AFAP1L2: variants seen among roughly 807,000 people sequenced by gnomAD.
AFAP1L2 encodes the protein actin filament-associated protein 1-like 2.
Under a neutral mutation model 99.3 loss-of-function variants are expected in AFAP1L2, and 46 were observed. The observed-to-expected ratio is 0.46, with a 90% confidence interval of 0.37 to 0.59. The LOEUF is 0.59. Ranked by LOEUF, AFAP1L2 falls within the 20% of genes least tolerant of loss-of-function variation. The probability of loss-of-function intolerance (pLI) is 0.00; values close to 1 mark genes in which losing one functional copy is unlikely to be tolerated. For missense variants in AFAP1L2, 959 were observed against 1,034.9 expected (o/e 0.93, Z 1.01); for synonymous variants, 397 against 419.1 (o/e 0.95, Z 0.64).
At chr10:114,286,060 G>A in the AFAP1L2 span, 1 of 1,614,154 alleles carries the variant, frequency 6.2e-7, no homozygotes, top group Non-Finnish European at 8.5e-7. Context: ...TGCGGGCCGT[G>A]CTGAGCGAGG....
chr10:114,311,179 G>T (rs894525629), intron 7 of AFAP1L2, among the ~76,000 whole-genome samples: 1 of 152,176 alleles, frequency 6.6e-6, no homozygotes, highest in Non-Finnish European at 1.5e-5. Flanking sequence ...GGTGGGTTTG[G>T]GCAGTCAGAG....
At chr10:114,308,334 G>T (rs2042728329) in intron 9 of AFAP1L2, 99 bp downstream of exon 9, 1 of 995,614 alleles carries the variant, frequency 1.0e-6, no homozygotes, top group Non-Finnish European at 1.5e-6. Flanking sequence ...TTAATAGGGG[G>T]CCATGTTAGA....
chr10:114,294,504 A>G (rs969593031), downstream of AFAP1L2, among the ~76,000 whole-genome samples: 7 of 152,214 alleles, frequency 4.6e-5, no homozygotes, highest in African/African-American at 1.4e-4. Context: ...CTTAATTACT[A>G]CTTAGGCAAC....
intron 1 of AFAP1L2, among the ~76,000 whole-genome samples, chr10:114,397,770 G>A (rs949632918): frequency 6.6e-6 from 1 of 152,194 alleles, no homozygotes; most frequent in Non-Finnish European, 1.5e-5. Flanking sequence ...CAGCTGGCTA[G>A]CCTCTCTTGC....
At chr10:114,374,585 G>A (rs963660633) in intron 1 of AFAP1L2, among the ~76,000 whole-genome samples, 6 of 152,132 alleles carry the variant, frequency 3.9e-5, no homozygotes, top group Admixed American at 6.5e-5. Context: ...CGTTTGCTCC[G>A]GATTTGTGCT....
At chr10:114,321,227 C>T (rs1009265204) in intron 5 of AFAP1L2, among the ~76,000 whole-genome samples, 2 of 151,954 alleles carry the variant, frequency 1.3e-5, no homozygotes, top group Non-Finnish European at 2.9e-5. Flanking sequence ...TACACTGTAC[C>T]GAATATGTAG....
chr10:114,297,307 C>T lies in AFAP1L2; in HGVS notation c.2220G>A (p.Val740=). ...RVDLELSIME[V]KDNLKKAEAG... is the part of the protein sequence containing the mutation. The stretch of plus-strand genomic sequence containing the variant: ...CCTCAGCCTTCTTCAGGTTGTCCTT[C>T]ACCTCCATGATGCTGAGCTCCAGGT... The change falls in exon 17 of 19, where the codon GTG becomes GTA. Residue 740 remains valine, a synonymous_variant. Coordinates refer to ENST00000304129, the MANE Select transcript of AFAP1L2 (RefSeq NM_001001936.3). 2 of 1,614,060 alleles carry T rather than the reference C, an allele frequency of 1.2e-6. No homozygotes were observed. Among genetic ancestry groups the T allele is most frequent in the East Asian group, 4.5e-5 (2 of 44,874 alleles).
At chr10:114,334,172 C>T (rs138385615) in intron 2 of AFAP1L2, among the ~76,000 whole-genome samples, 2 of 152,344 alleles carry the variant, frequency 1.3e-5, no homozygotes, top group African/African-American at 2.4e-5. Context: ...TGCAGTGGCA[C>T]AATCCATGCC....
intron 1 of AFAP1L2, among the ~76,000 whole-genome samples, chr10:114,342,488 A>G (rs1240177829): frequency 6.6e-6 from 1 of 152,230 alleles, no homozygotes; most frequent in Admixed American, 6.5e-5. Flanking sequence ...TTGACGTGGC[A>G]AAGGGACTTC....
At chr10:114,291,595 C>T (rs558675017), downstream of AFAP1L2, 16 of 233,702 alleles carry the variant, frequency 6.8e-5, no homozygotes, top group South Asian at 1.6e-4. Context: ...TTAAATTTAG[C>T]GGCCTGACGT....
Position 114,296,013 on chromosome 10 carries a change from C to G in AFAP1L2, c.*29G>C. On this transcript the variant is annotated 3_prime_UTR_variant, in exon 19 of 19. Transcript: ENST00000304129. ...GGATTGTCACCAAGGTCCACATTGA[C>G]ATGAGAGTCTTTAGATGAAGCTTGT... 1 of 1,614,154 alleles carries G rather than the reference C, an allele frequency of 6.2e-7. No individual in the cohort carries two copies. The highest frequency in any genetic ancestry group is 1.3e-5 in the African/African-American group (1 of 75,062).
chr10:114,351,924 T>A (rs75437284), intron 1 of AFAP1L2, among the ~76,000 whole-genome samples: 1 of 152,190 alleles, frequency 6.6e-6, no homozygotes, highest in African/African-American at 2.4e-5. Flanking sequence ...ATACTGGCTG[T>A]GTGGCCTTGG....
intron 1 of AFAP1L2, among the ~76,000 whole-genome samples, chr10:114,375,930 G>A (rs1565030863): frequency 6.6e-6 from 1 of 152,022 alleles, no homozygotes; most frequent in African/African-American, 2.4e-5. Flanking sequence ...ACTGCATTCC[G>A]GCCTGGGAGA....
downstream of AFAP1L2, among the ~76,000 whole-genome samples, chr10:114,292,436 T>G (rs576268810): frequency 2.5e-4 from 38 of 152,158 alleles, no homozygotes; most frequent in Non-Finnish European, 3.8e-4. Context: ...AGCATTGATC[T>G]TACGCTGTCT....
intron 5 of AFAP1L2, among the ~76,000 whole-genome samples, chr10:114,317,813 C>T (rs567143296): frequency 2.4e-4 from 37 of 152,280 alleles, no homozygotes; most frequent in African/African-American, 6.7e-4. Context: ...GAACTGAGAT[C>T]GTGCCACTGG....
At chr10:114,329,870 C>T (rs942333770) in intron 4 of AFAP1L2, among the ~76,000 whole-genome samples, 24 of 152,190 alleles carry the variant, frequency 1.6e-4, no homozygotes, top group African/African-American at 5.3e-4. Flanking sequence ...ACTGTGGGAC[C>T]GTGGCCAGTG....
intron 1 of AFAP1L2, among the ~76,000 whole-genome samples, chr10:114,358,314 C>A (rs1469349014): frequency 6.6e-6 from 1 of 152,108 alleles, no homozygotes; most frequent in Non-Finnish European, 1.5e-5. Context: ...GTCTACAACC[C>A]AAACAAGGGA....
chr10:114,282,897 T>C, the AFAP1L2 span, among the ~76,000 whole-genome samples: 3 of 152,194 alleles, frequency 2.0e-5, no homozygotes, highest in Non-Finnish European at 4.4e-5. Flanking sequence ...ATCTGAGTGA[T>C]TTCCTCCTCT....
chr10:114,333,241 T>C lies in AFAP1L2; in HGVS notation c.200A>G (p.Asn67Ser). Reference sequence around the variant, plus strand: ...CATACCTTTGCCTTGAGACTCTGCATTCTGTTGCTTGTTGATGGTCACTTT... The same window carrying C: ...CATACCTTTGCCTTGAGACTCTGCACTCTGTTGCTTGTTGATGGTCACTTT... The part of the protein sequence containing the change: ...MNKVTINKQQ[N>S]AESQGKAPEE... The change falls in exon 3 of 19, where the codon AAT becomes AGT. Residue 67 changes from asparagine to serine, a missense_variant. This residue lies in a region of AFAP1L2 where 383 missense variants were observed against 472.8 expected (regional missense o/e 0.81). Transcript: ENST00000304129. 1 of 1,613,900 alleles carries C rather than the reference T, an allele frequency of 6.2e-7. No individual in the cohort carries two copies. The highest frequency in any genetic ancestry group is 8.5e-7 in the Non-Finnish European group (1 of 1,179,964).
Sources: allele counts gnomAD v4.1 joint callset (sites outside exome capture counted in the v4.1 genomes callset), GRCh38; gene constraint gnomAD v4.1.1; regional missense constraint gnomAD v4.1.1; transcripts MANE v1.5; gene names NCBI Gene and HGNC (gene_info 2026-07-23, HGNC 2026-07-21).